Variants in FHIP1A observed in about 807,000 individuals in gnomAD.
FHIP1A encodes the protein FHF complex subunit HOOK-interacting protein 1A.
A neutral mutation model predicts 88.6 loss-of-function variants in FHIP1A; 61 were observed. The ratio of observed to expected loss-of-function variants is 0.69; its 90% CI spans 0.56 to 0.85. FHIP1A has a LOEUF of 0.85. FHIP1A is among the 40% of genes least tolerant of loss of function. The pLI is 0.00. For synonymous variants in FHIP1A, 478 were observed against 496.0 expected (o/e 0.96, Z 0.48); for missense variants, 1,154 against 1,273.5 (o/e 0.91, Z 1.43).
chr4:151,502,319 AAAACAAACAAACAAACAAAC>A (rs70941501), intron 3 of FHIP1A, among the ~76,000 whole-genome samples: 1 of 149,456 alleles, frequency 6.7e-6, no homozygotes, highest in African/African-American at 2.5e-5. Context: ...CCCATCTCAA[AAAACAAACAAACAAACAAAC>A]AAACAAACAA....
chr4:151,623,640 C>G (rs1047470584), intron 7 of FHIP1A, among the ~76,000 whole-genome samples: 13 of 146,878 alleles, frequency 8.9e-5, no homozygotes, highest in Admixed American at 8.4e-4. Context: ...TATGCACATT[C>G]TCTTTAATCC....
intron 3 of FHIP1A, among the ~76,000 whole-genome samples, chr4:151,539,231 G>A (rs1269463317): frequency 1.3e-5 from 2 of 152,172 alleles, no homozygotes; most frequent in Non-Finnish European, 2.9e-5. Flanking sequence ...CATGATTAAA[G>A]TTACTGTTTT....
intron 3 of FHIP1A, among the ~76,000 whole-genome samples, chr4:151,508,372 C>G (rs1266981435): frequency 6.6e-6 from 1 of 152,156 alleles, no homozygotes; most frequent in African/African-American, 2.4e-5. Context: ...TGAGGTCTGT[C>G]CACTGGCCAG....
At chr4:151,599,173 A>C (rs1218828136) in intron 7 of FHIP1A, among the ~76,000 whole-genome samples, 2 of 152,188 alleles carry the variant, frequency 1.3e-5, no homozygotes, top group Non-Finnish European at 2.9e-5. Context: ...AAATGATACT[A>C]TGTTAACATA....
chr4:151,590,527 G>A (rs998678309), intron 7 of FHIP1A, among the ~76,000 whole-genome samples: 1 of 152,132 alleles, frequency 6.6e-6, no homozygotes, highest in Admixed American at 6.6e-5. Context: ...ATGTGCTATT[G>A]CTTGCTTAAT....
intron 1 of FHIP1A, among the ~76,000 whole-genome samples, chr4:151,415,878 G>A (rs1212385980): frequency 2.0e-5 from 3 of 151,246 alleles, no homozygotes; most frequent in Non-Finnish European, 2.9e-5. Flanking sequence ...ATAGTAATTG[G>A]TAACAGCTAT....
chr4:151,488,572 T>C (rs1278617863), intron 3 of FHIP1A, among the ~76,000 whole-genome samples: 2 of 152,244 alleles, frequency 1.3e-5, no homozygotes, highest in Admixed American at 6.5e-5. Context: ...TCTATGTCTT[T>C]ACTATTGTGA....
chr4:151,433,025 T>A (rs1175507492), intron 1 of FHIP1A, among the ~76,000 whole-genome samples: 1 of 152,168 alleles, frequency 6.6e-6, no homozygotes, highest in Non-Finnish European at 1.5e-5. Flanking sequence ...AATGGAAAGA[T>A]ACAGCTTATT....
chr4:151,589,025 C>G (rs1385425850), intron 7 of FHIP1A, 99 bp downstream of exon 7: 1 of 845,790 alleles, frequency 1.2e-6, no homozygotes, highest in Non-Finnish European at 1.9e-6. Flanking sequence ...TGATTTTAGC[C>G]TGATTTTTCT....
rs527739828 is a variant in FHIP1A, at chr4:151,487,297, T to C, written c.-123+4649T>C. Among the ~76,000 whole-genome samples the C allele has an allele frequency of 7.4e-4, 112 of 152,332 alleles. 2 individuals carry two copies. Among genetic ancestry groups the C allele is most frequent in the Admixed American group, 7.2e-4 (11 of 15,306 alleles). ...GTACTTCTTTATTAGAAGAATCGTT[T>C]GTGAGTCTTCCTCTTCTTTTCAGTC... On this transcript the variant is annotated intron_variant, in intron 3 of 13. Transcript: ENST00000435205.
intron 7 of FHIP1A, among the ~76,000 whole-genome samples, chr4:151,589,614 C>T (rs1331785303): frequency 6.6e-6 from 1 of 152,166 alleles, no homozygotes; most frequent in East Asian, 1.9e-4. Context: ...TGGAATCATA[C>T]CTCTAGCAGA....
At chr4:151,454,030 GC>G (rs1325843200) in intron 1 of FHIP1A, among the ~76,000 whole-genome samples, 1 of 152,122 alleles carries the variant, frequency 6.6e-6, no homozygotes, top group African/African-American at 2.4e-5. Flanking sequence ...TACAGGTAAT[GC>G]TGTGATGAAT....
chr4:151,605,408 C>T (rs1301342278), intron 7 of FHIP1A, among the ~76,000 whole-genome samples: 1 of 152,150 alleles, frequency 6.6e-6, no homozygotes, highest in East Asian at 1.9e-4. Flanking sequence ...CTTCTGCAGG[C>T]AGCTCACAGG....
At chr4:151,451,806 C>CTT (rs112946935) in intron 1 of FHIP1A, among the ~76,000 whole-genome samples, 2 of 147,768 alleles carry the variant, frequency 1.4e-5, no homozygotes, top group South Asian at 2.1e-4. Context: ...CTTTTTCTTT[C>CTT]TTTTTTTTCT....
intron 3 of FHIP1A, among the ~76,000 whole-genome samples, chr4:151,488,980 GC>G (rs1477409327): frequency 3.9e-5 from 6 of 152,204 alleles, no homozygotes; most frequent in Admixed American, 3.9e-4. Context: ...AGACAGAACA[GC>G]ATATGGAGAC....
intron 3 of FHIP1A, among the ~76,000 whole-genome samples, chr4:151,508,504 T>C (rs1169836346): frequency 6.6e-6 from 1 of 152,170 alleles, no homozygotes; most frequent in Non-Finnish European, 1.5e-5. Flanking sequence ...GCTGAAGCTA[T>C]AGGTAAATGA....
intron 4 of FHIP1A, among the ~76,000 whole-genome samples, chr4:151,572,681 T>TC (rs1733640425): frequency 6.6e-6 from 1 of 152,254 alleles, no homozygotes; most frequent in African/African-American, 2.4e-5. Flanking sequence ...CTTGTTTTTT[T>TC]CCACAATGCC....
chr4:151,589,305 A>G (rs1251961598), intron 7 of FHIP1A, among the ~76,000 whole-genome samples: 1 of 152,240 alleles, frequency 6.6e-6, no homozygotes, highest in African/African-American at 2.4e-5. Flanking sequence ...GAGCAGTGGT[A>G]GCACAAGTGC....
chr4:151,566,511 A>G (rs1336199366), intron 4 of FHIP1A, 147 bp downstream of exon 4: 1 of 603,948 alleles, frequency 1.7e-6, no homozygotes, highest in Non-Finnish European at 2.9e-6. Context: ...AAGAAAAGTA[A>G]CTTTTTCTTC....
Sources: gnomAD v4.1 joint callset for allele counts (sites outside exome capture counted in the v4.1 genomes callset) on GRCh38, gnomAD v4.1.1 for gene constraint, MANE v1.5 for transcripts, NCBI Gene and HGNC (gene_info 2026-07-23, HGNC 2026-07-21) for gene names.